The following PCDHGB1 variants were observed in gnomAD, a reference collection of about 807,000 sequenced individuals.
PCDHGB1 encodes the protein protocadherin gamma-B1.
PCDHGB1 carries 34 observed loss-of-function variants against 56.6 expected under a neutral mutation model. The observed-to-expected ratio is 0.60, with a 90% CI of 0.46 to 0.80. The LOEUF (loss-of-function observed/expected upper bound fraction) is 0.80, where lower values mean the gene tolerates loss of function less well. PCDHGB1 is among the 30% of genes least tolerant of loss of function. The pLI is 0.00. For missense variants in PCDHGB1, 1,278 were observed against 1,204.6 expected, an observed-to-expected ratio of 1.06 and a Z score of -0.90; for synonymous variants, 561 against 505.9, an observed-to-expected ratio of 1.11 and a Z score of -1.46.
In PCDHGB1 at chr5:141,352,001, G is replaced by C; in HGVS notation, c.1741G>C (p.Gly581Arg). 1.2e-6 allele frequency: 2 copies of C among 1,610,646 alleles called. No individual in the cohort carries two copies. The highest frequency in any genetic ancestry group is 2.2e-5 in the East Asian group (1 of 44,838). Residue 581 changes from glycine (G) to arginine (R), a missense_variant, in exon 1 of 4, where the codon GGC (glycine) becomes CGC (arginine). Gly to Arg is a moderately radical substitution (Grantham distance 125). Transcript: ENST00000523390. ...TATGGTGCCACGCGCCGCAGAGCCCGGCTACCTGGTGACCAAGGTGGTGGC... is the reference window on the plus strand; with the variant it reads ...TATGGTGCCACGCGCCGCAGAGCCCCGCTACCTGGTGACCAAGGTGGTGGC... ...FDMVPRAAEP[G>R]YLVTKVVAVD... is the part of the protein sequence containing the mutation.
In PCDHGB1 at chr5:141,431,450, A is replaced by G; in HGVS notation, c.2410-63357A>G. 2 of 1,613,740 alleles carry G rather than the reference A, an allele frequency of 1.2e-6. No individual in the cohort carries two copies. Among genetic ancestry groups the G allele is most frequent in the South Asian group, 1.1e-5 (1 of 91,082 alleles). Reference sequence around the variant, plus strand: ...CACAGGCACCGCGCGCATCCGCGTGATGGTTCTGGATGCGAACGACAACGC... The same window carrying G: ...CACAGGCACCGCGCGCATCCGCGTGGTGGTTCTGGATGCGAACGACAACGC... On this transcript the variant is annotated intron_variant, in intron 1 of 3. Coordinates refer to ENST00000523390, the MANE Select transcript of PCDHGB1 (RefSeq NM_018922.3). The surrounding 1 kb of genome is among the most constrained non-coding windows in gnomAD (Gnocchi z 4.8).
chr5:141,505,287 TG>T, intron 2 of PCDHGB1, 105 bp from the exon 3 acceptor site: 1 of 1,550,864 alleles, frequency 6.4e-7, no homozygotes, highest in Middle Eastern at 2.1e-4. Context: ...GTCTTGGGCA[TG>T]GGGTAGGGTT....
At chr5:141,467,214 G>A (rs1333148694) in intron 1 of PCDHGB1, among the ~76,000 whole-genome samples, 1 of 151,856 alleles carries the variant, frequency 6.6e-6, no homozygotes, top group Admixed American at 6.6e-5. Context: ...CACCATGCCT[G>A]GCTAATTTTT....
At chr5:141,506,191 C>T (rs932500250) in intron 3 of PCDHGB1, among the ~76,000 whole-genome samples, 8 of 152,182 alleles carry the variant, frequency 5.3e-5, no homozygotes, top group African/African-American at 1.9e-4. Flanking sequence ...TGGCTCACGC[C>T]TGTAATCCCA....
rs369106233 is a variant in PCDHGB1 at position 141,370,518 on chromosome 5, G to A, written c.2409+17849G>A. 13 of 1,613,886 alleles carry A rather than the reference G, an allele frequency of 8.1e-6. No homozygotes were observed. The African/African-American group carries it at 1.7e-4, about 22-fold the overall frequency. Reference sequence around the variant, plus strand: ...CCGCTACGCTATTCCCGAGGAGCTGGACAGGGGCTCGCTGGTAGGGAACCT... The same window carrying A: ...CCGCTACGCTATTCCCGAGGAGCTGAACAGGGGCTCGCTGGTAGGGAACCT... On this transcript the variant is annotated intron_variant, in intron 1 of 3. Transcript: ENST00000523390.
Position 141,487,673 on chromosome 5 carries a change from C to T in PCDHGB1, c.2410-7134C>T. On this transcript the variant is annotated intron_variant, in intron 1 of 3. Transcript: ENST00000523390. The surrounding 1 kb of genome is among the most constrained non-coding windows in gnomAD (Gnocchi z 5.0). Reference sequence around the variant, plus strand: ...GGGTTATTCTGATCCAGGCATATGGCTAGGCCATGTCCTAGAGAGTACTGG... The same window carrying T: ...GGGTTATTCTGATCCAGGCATATGGTTAGGCCATGTCCTAGAGAGTACTGG... 6.2e-7 allele frequency: 1 copy of T among 1,611,456 alleles called. No homozygotes were observed. Among genetic ancestry groups the T allele is most frequent in the East Asian group, 2.2e-5 (1 of 44,852 alleles).
At position 141,490,954 on chromosome 5, in the gene PCDHGB1, G is replaced by A. The variant is rs749646808; in HGVS notation, c.2410-3853G>A. On this transcript the variant is annotated intron_variant, in intron 1 of 3. Coordinates refer to ENST00000523390, the MANE Select transcript of PCDHGB1 (RefSeq NM_018922.3). This position sits in a 1 kb window ranked among gnomAD's most constrained non-coding sequence, Gnocchi z 5.4. ...TGTGCTGCACCCACGGCCAGACTGGGAACACTCAGCCCCCCAGCGTCTCCC... is the reference window on the plus strand; with the variant it reads ...TGTGCTGCACCCACGGCCAGACTGGAAACACTCAGCCCCCCAGCGTCTCCC... 9 of 1,613,662 alleles carry A rather than the reference G, an allele frequency of 5.6e-6. No individual in the cohort carries two copies. The African/African-American group carries it at 8.0e-5, about 14-fold the overall frequency.
intron 1 of PCDHGB1, among the ~76,000 whole-genome samples, chr5:141,439,398 T>C (rs2098110369): frequency 6.6e-6 from 1 of 152,212 alleles, no homozygotes; most frequent in Admixed American, 6.5e-5. Context: ...TTCGACTTCA[T>C]GTGCTAACAT....
At chr5:141,424,016 T>G in intron 1 of PCDHGB1, 16 of 1,038,360 alleles carry the variant, frequency 1.5e-5, no homozygotes, top group Non-Finnish European at 1.3e-5. Context: ...AAATTAATGA[T>G]TCACAAACAC....
At chr5:141,409,059 A>G (rs2095217608) in intron 1 of PCDHGB1, 2 of 1,614,050 alleles carry the variant, frequency 1.2e-6, no homozygotes, top group Non-Finnish European at 1.7e-6. Context: ...AGCACTGCCC[A>G]GAGCACAAAA....
chr5:141,359,835 C>T (rs985567227), intron 1 of PCDHGB1, among the ~76,000 whole-genome samples: 1 of 151,996 alleles, frequency 6.6e-6, no homozygotes, highest in Non-Finnish European at 1.5e-5. Flanking sequence ...TATTTTAAAA[C>T]AAATGAAGAC....
Position 141,352,619 on chromosome 5 carries a change from G to T in PCDHGB1, c.2359G>T (p.Ala787Ser). 6.2e-7 allele frequency: 1 copy of T among 1,612,802 alleles called. No individual in the cohort carries two copies. Residue 787 changes from alanine (A) to serine (S), a missense_variant, in exon 1 of 4, where the codon GCC becomes TCC. By Grantham distance (99) the Ala-to-Ser change is moderately conservative (BLOSUM62 1). Transcript: ENST00000523390. Reference sequence around the variant, plus strand: ...TGATGATCCTTCTATGGTTGTATGTGCCAGTAATGAAGATCACAAAATCGC... The same window carrying T: ...TGATGATCCTTCTATGGTTGTATGTTCCAGTAATGAAGATCACAAAATCGC... ...LCDDPSMVVC[A>S]SNEDHKIAYD...
rs113107293 is a variant in PCDHGB1, at chr5:141,432,844, A to G, written c.2410-61963A>G. ...CAGACCTCACTCTGTACCTGGTGGTAGCGGTGGCCGCGGTCTCCTGCGTCT... is the reference window on the plus strand; with the variant it reads ...CAGACCTCACTCTGTACCTGGTGGTGGCGGTGGCCGCGGTCTCCTGCGTCT... On this transcript the variant is annotated intron_variant, in intron 1 of 3. Coordinates refer to ENST00000523390, the MANE Select transcript of PCDHGB1 (RefSeq NM_018922.3). This position sits in a 1 kb window ranked among gnomAD's most constrained non-coding sequence, Gnocchi z 6.0. 0.01 allele frequency: 16,860 copies of G among 1,614,178 alleles called. 121 individuals carry two copies. Among genetic ancestry groups the G allele is most frequent in the Non-Finnish European group, 0.012 (14,441 of 1,180,006 alleles).
intron 1 of PCDHGB1, chr5:141,414,696 A>T: frequency 6.2e-7 from 1 of 1,613,982 alleles, no homozygotes; most frequent in Non-Finnish European, 8.5e-7. Flanking sequence ...CTCTGTCCTC[A>T]TACATATCCA....
At chr5:141,496,869 A>G (rs2099772006) in intron 2 of PCDHGB1, among the ~76,000 whole-genome samples, 1 of 150,116 alleles carries the variant, frequency 6.7e-6, no homozygotes, top group African/African-American at 2.5e-5. Context: ...GAGACTGAAA[A>G]TTTGCAACAA....
intron 1 of PCDHGB1, chr5:141,415,400 C>T (rs754292889): frequency 2.5e-6 from 4 of 1,614,228 alleles, no homozygotes; most frequent in South Asian, 1.1e-5. Flanking sequence ...GTGTCCGGCT[C>T]GCACTTTGTG....
In PCDHGB1 at chr5:141,489,662, G is replaced by C; in HGVS notation, c.2410-5145G>C. 8.1e-6 allele frequency: 13 copies of C among 1,614,144 alleles called. No individual in the cohort carries two copies. The highest frequency in any genetic ancestry group is 1.1e-5 in the Non-Finnish European group (13 of 1,180,010). On this transcript the variant is annotated intron_variant, in intron 1 of 3. Coordinates refer to ENST00000523390, the MANE Select transcript of PCDHGB1 (RefSeq NM_018922.3). This position sits in a 1 kb window ranked among gnomAD's most constrained non-coding sequence, Gnocchi z 4.5. The stretch of plus-strand genomic sequence containing the variant: ...TTTGCCACCCCTGAGCGAGAGATGC[G>C]CATCTCAGAATCAGCAGCATCTGGG...
intron 1 of PCDHGB1, chr5:141,376,734 C>T (rs1773305109): frequency 5.7e-6 from 3 of 526,518 alleles, no homozygotes; most frequent in South Asian, 4.6e-5. Context: ...GGCCGGACTG[C>T]GGACTGCAGT....
intron 2 of PCDHGB1, among the ~76,000 whole-genome samples, chr5:141,496,419 C>T (rs1292183963): frequency 6.6e-6 from 1 of 152,174 alleles, no homozygotes; most frequent in Non-Finnish European, 1.5e-5. Flanking sequence ...TACTTGCTGT[C>T]CACATTTGCC....
Sources: gnomAD v4.1 joint callset for allele counts (sites outside exome capture counted in the v4.1 genomes callset) on GRCh38, gnomAD v4.1.1 for gene constraint, Gnocchi (gnomAD v3.1) non-coding constraint, MANE v1.5 for transcripts, NCBI Gene and HGNC (gene_info 2026-07-23, HGNC 2026-07-21) for gene names.